The following RALGAPA2 variants were observed in gnomAD, a reference collection of about 807,000 sequenced individuals.
RALGAPA2 encodes the protein Ral GTPase activating protein catalytic subunit alpha 2.
Under a neutral mutation model 230.4 loss-of-function variants are expected in RALGAPA2, and 139 were observed. The ratio of observed to expected loss-of-function variants is 0.60; its 90% CI spans 0.53 to 0.69. The LOEUF is 0.69. RALGAPA2 is among the 30% of genes least tolerant of loss of function. The pLI is 0.00. For missense variants in RALGAPA2, 2,163 were observed against 2,276.0 expected, an observed-to-expected ratio of 0.95 and a Z score of 1.01; for synonymous variants, 847 against 837.8, an observed-to-expected ratio of 1.01 and a Z score of -0.19.
chr20:20,535,849 G>C (rs1338132078), intron 25 of RALGAPA2, 46 bp from the exon 26 acceptor site: 1 of 1,528,584 alleles, frequency 6.5e-7, no homozygotes, highest in South Asian at 1.3e-5. Context: ...TGTCATAGTT[G>C]GTTTCCCACA....
At chr20:20,474,637 G>A (rs2061610900) in intron 36 of RALGAPA2, among the ~76,000 whole-genome samples, 1 of 152,168 alleles carries the variant, frequency 6.6e-6, no homozygotes, top group Non-Finnish European at 1.5e-5. Flanking sequence ...TTAATGAGGT[G>A]GGAGAGACAG....
chr20:20,439,404 G>A (rs1250513060), intron 37 of RALGAPA2, among the ~76,000 whole-genome samples: 3 of 151,998 alleles, frequency 2.0e-5, no homozygotes, highest in African/African-American at 4.8e-5. Context: ...GTAGAGATGG[G>A]GTTTCATCAT....
chr20:20,615,067 T>G (rs558594583), intron 13 of RALGAPA2, among the ~76,000 whole-genome samples: 2 of 151,804 alleles, frequency 1.3e-5, no homozygotes, highest in South Asian at 4.2e-4. Context: ...TGATGACACA[T>G]GGAGAAGAGG....
intron 37 of RALGAPA2, among the ~76,000 whole-genome samples, chr20:20,456,104 G>C (rs996702665): frequency 2.0e-5 from 3 of 152,196 alleles, no homozygotes; most frequent in Non-Finnish European, 4.4e-5. Flanking sequence ...ATTTAAATCA[G>C]TTATCTTTTC....
intron 3 of RALGAPA2, among the ~76,000 whole-genome samples, chr20:20,666,897 G>A (rs541737099): frequency 6.6e-5 from 10 of 152,054 alleles, no homozygotes; most frequent in South Asian, 6.2e-4. Flanking sequence ...CACAAAAGAA[G>A]AGGAGGAGGC....
chr20:20,499,765 T>G (rs1200930917), intron 35 of RALGAPA2, among the ~76,000 whole-genome samples: 1 of 152,230 alleles, frequency 6.6e-6, no homozygotes, highest in Non-Finnish European at 1.5e-5. Flanking sequence ...TTTCTACATC[T>G]GAGACACTTG....
intron 33 of RALGAPA2, among the ~76,000 whole-genome samples, chr20:20,507,553 C>T (rs977803365): frequency 2.0e-5 from 3 of 152,156 alleles, no homozygotes; most frequent in African/African-American, 4.8e-5. Context: ...GACAGGGTTT[C>T]GCCATGTTGG....
chr20:20,407,548 G>A (rs1042855922), intron 38 of RALGAPA2, among the ~76,000 whole-genome samples: 14 of 152,224 alleles, frequency 9.2e-5, no homozygotes, highest in African/African-American at 3.4e-4. Flanking sequence ...GCAAAGGCTG[G>A]TGAGTTCTAA....
rs1264943465 is a variant in RALGAPA2, at chr20:20,437,420, T to G, written c.5496-25272A>C. Among the ~76,000 whole-genome samples the G allele has an allele frequency of 6.6e-6, 1 of 152,202 alleles. No individual in the cohort carries two copies. Among genetic ancestry groups the G allele is most frequent in the Non-Finnish European group, 1.5e-5 (1 of 68,014 alleles). Reference sequence around the variant, plus strand: ...GGCCTCCTACCTCTTCTGGCCTCTGTACCCAGCAGCAGGAGGCTTTCAGGG... The same window carrying G: ...GGCCTCCTACCTCTTCTGGCCTCTGGACCCAGCAGCAGGAGGCTTTCAGGG... On this transcript the variant is annotated intron_variant, in intron 37 of 39. Transcript: ENST00000202677. This position sits in a 1 kb window ranked among gnomAD's most constrained non-coding sequence, Gnocchi z 4.1.
intron 1 of RALGAPA2, among the ~76,000 whole-genome samples, chr20:20,685,493 A>G (rs796771436): frequency 2.0e-5 from 3 of 152,342 alleles, no homozygotes; most frequent in African/African-American, 7.2e-5. Context: ...GGTGTGATTA[A>G]GAGAAAGAAA....
intron 13 of RALGAPA2, 56 bp downstream of exon 13, chr20:20,615,987 T>C (rs1913674203): frequency 2.4e-6 from 3 of 1,244,146 alleles, no homozygotes; most frequent in South Asian, 2.0e-5. Context: ...ATTTTAATTA[T>C]GTTGAAAAAC....
intron 37 of RALGAPA2, among the ~76,000 whole-genome samples, chr20:20,450,151 C>T (rs1198911702): frequency 6.6e-6 from 1 of 152,110 alleles, no homozygotes; most frequent in Non-Finnish European, 1.5e-5. Flanking sequence ...AGCAAAAAGA[C>T]AGAAAAATCA....
chr20:20,427,734 A>G (rs2060416506), intron 37 of RALGAPA2, among the ~76,000 whole-genome samples: 1 of 152,024 alleles, frequency 6.6e-6, no homozygotes, highest in Non-Finnish European at 1.5e-5. Context: ...GCAATTTTCT[A>G]TTGAGCTATG....
chr20:20,490,653 C>T (rs1279330794), intron 36 of RALGAPA2, among the ~76,000 whole-genome samples: 1 of 152,172 alleles, frequency 6.6e-6, no homozygotes, highest in African/African-American at 2.4e-5. Flanking sequence ...AAGTCAAACA[C>T]TCTCCCTATA....
At chr20:20,438,411 A>G (rs2060661606) in intron 37 of RALGAPA2, among the ~76,000 whole-genome samples, 1 of 152,234 alleles carries the variant, frequency 6.6e-6, no homozygotes, top group Non-Finnish European at 1.5e-5. Flanking sequence ...TATATGCTTT[A>G]TGTTCTGCAT....
At chr20:20,615,320 C>T (rs1276526439) in intron 13 of RALGAPA2, among the ~76,000 whole-genome samples, 5 of 152,066 alleles carry the variant, frequency 3.3e-5, no homozygotes, top group African/African-American at 9.7e-5. Flanking sequence ...GCCACCACAC[C>T]TGGCTAATTT....
At chr20:20,564,517 A>G (rs974019332) in intron 23 of RALGAPA2, among the ~76,000 whole-genome samples, 4 of 152,234 alleles carry the variant, frequency 2.6e-5, no homozygotes, top group African/African-American at 7.2e-5. Context: ...GGTCTTTACC[A>G]TGGCAGGAAA....
chr20:20,662,500 A>T (rs1363485809), intron 3 of RALGAPA2, among the ~76,000 whole-genome samples: 1 of 152,194 alleles, frequency 6.6e-6, no homozygotes, highest in East Asian at 1.9e-4. Context: ...ATAGAAATAA[A>T]AAAGTTTTAT....
At chr20:20,407,086 C>T (rs537121768) in intron 38 of RALGAPA2, among the ~76,000 whole-genome samples, 1 of 152,082 alleles carries the variant, frequency 6.6e-6, no homozygotes, top group Non-Finnish European at 1.5e-5. Flanking sequence ...TCCAACTTGC[C>T]CATGACCTTC....
Sources: allele counts gnomAD v4.1 joint callset (sites outside exome capture counted in the v4.1 genomes callset), GRCh38; gene constraint gnomAD v4.1.1; non-coding constraint Gnocchi (gnomAD v3.1); transcripts MANE v1.5; gene names NCBI Gene and HGNC (gene_info 2026-07-23, HGNC 2026-07-21).